The following SEMA3E variants were observed in gnomAD, a reference collection of about 807,000 sequenced individuals.
The protein encoded by SEMA3E is semaphorin-3E.
In SEMA3E, 49 loss-of-function variants were observed where a neutral mutation model predicts 93.6. That is an observed-to-expected ratio of 0.52 (90% CI 0.42 to 0.66). The LOEUF is 0.66. SEMA3E is among the 30% of genes least tolerant of loss of function. The pLI is 0.00. For synonymous variants in SEMA3E, 363 were observed against 330.7 expected, an observed-to-expected ratio of 1.10 and a Z score of -1.06; for missense variants, 906 against 964.8, an observed-to-expected ratio of 0.94 and a Z score of 0.81.
rs2116890097 is a variant in SEMA3E at position 83,366,523 on chromosome 7, G to T, written c.*1063C>A. 6.6e-6 allele frequency: 1 copy of T among 152,048 alleles called. No individual in the cohort carries two copies. Among genetic ancestry groups the T allele is most frequent in the Non-Finnish European group, 1.5e-5 (1 of 67,888 alleles). The allele number at this position is 152,048 out of a possible 1,614,324, so 9.4% of individuals were successfully genotyped here. ...TCACAAATAAAACACGGTTGTTATAGTATATTTTAGATTTCAGCGAAGATT... is the reference window on the plus strand; with the variant it reads ...TCACAAATAAAACACGGTTGTTATATTATATTTTAGATTTCAGCGAAGATT... On this transcript the variant is annotated 3_prime_UTR_variant, in exon 17 of 17. Transcript: ENST00000643230.
intron 10 of SEMA3E, 59 bp from the exon 11 acceptor site, chr7:83,400,309 A>G: frequency 2.0e-6 from 3 of 1,502,902 alleles, no homozygotes; most frequent in Non-Finnish European, 1.9e-6. Flanking sequence ...GAAAATTTAT[A>G]ATCAATTATG....
At chr7:83,457,218 C>T (rs1789503616) in intron 4 of SEMA3E, among the ~76,000 whole-genome samples, 1 of 149,772 alleles carries the variant, frequency 6.7e-6, no homozygotes, top group Non-Finnish European at 1.5e-5. Context: ...AGCAGAATGA[C>T]AGAGACAGAC....
intron 1 of SEMA3E, among the ~76,000 whole-genome samples, chr7:83,625,035 A>AGATGT (rs1266555171): frequency 6.6e-6 from 1 of 152,116 alleles, no homozygotes; most frequent in Non-Finnish European, 1.5e-5. Context: ...AGATGGTTGT[A>AGATGT]GATGTGTGGT....
intron 1 of SEMA3E, among the ~76,000 whole-genome samples, chr7:83,578,507 G>A (rs1210875071): frequency 6.6e-6 from 1 of 152,112 alleles, no homozygotes; most frequent in Non-Finnish European, 1.5e-5. Context: ...AGTGAGCTAA[G>A]ATCGTGCTTC....
intron 1 of SEMA3E, among the ~76,000 whole-genome samples, chr7:83,540,733 AGT>A (rs1791514058): frequency 6.6e-6 from 1 of 152,218 alleles, no homozygotes; most frequent in Non-Finnish European, 1.5e-5. Flanking sequence ...TGTATCTCTG[AGT>A]GTGAAGGCAG....
chr7:83,624,607 C>T (rs1793631362), intron 1 of SEMA3E, among the ~76,000 whole-genome samples: 1 of 151,918 alleles, frequency 6.6e-6, no homozygotes, highest in African/African-American at 2.4e-5. Context: ...TAAGTTCCTT[C>T]TAGATTCTGG....
chr7:83,616,877 A>G (rs1393104823), intron 1 of SEMA3E, among the ~76,000 whole-genome samples: 3 of 151,916 alleles, frequency 2.0e-5, no homozygotes, highest in African/African-American at 7.2e-5. Flanking sequence ...GGAGCCTGCC[A>G]CCACACCTGG....
chr7:83,440,258 T>C (rs932707318), intron 4 of SEMA3E, among the ~76,000 whole-genome samples: 2 of 152,042 alleles, frequency 1.3e-5, no homozygotes, highest in African/African-American at 2.4e-5. Flanking sequence ...ATGAGGTACA[T>C]AGTGTTATGA....
chr7:83,579,534 C>G (rs215295), intron 1 of SEMA3E, among the ~76,000 whole-genome samples: 71,575 of 151,852 alleles, frequency 0.47, 19,446 homozygotes, highest in African/African-American at 0.76. Context: ...GACATTGGCA[C>G]ATATTTCTGC....
At chr7:83,417,509 T>C (rs1788577295) in intron 5 of SEMA3E, among the ~76,000 whole-genome samples, 2 of 152,132 alleles carry the variant, frequency 1.3e-5, no homozygotes, top group South Asian at 2.1e-4. Flanking sequence ...TGACCTAATA[T>C]TAGCATATAA....
intron 1 of SEMA3E, among the ~76,000 whole-genome samples, chr7:83,597,698 A>G (rs754460795): frequency 1.3e-5 from 2 of 152,156 alleles, no homozygotes; most frequent in Non-Finnish European, 2.9e-5. Flanking sequence ...GCACAACTAT[A>G]CTTGTCTTGG....
At chr7:83,542,878 C>A (rs1791566926) in intron 1 of SEMA3E, among the ~76,000 whole-genome samples, 1 of 152,060 alleles carries the variant, frequency 6.6e-6, no homozygotes, top group Non-Finnish European at 1.5e-5. Flanking sequence ...AACTTTTTAA[C>A]ACATCTTAAA....
chr7:83,389,662 T>C (rs1391738786), intron 14 of SEMA3E, among the ~76,000 whole-genome samples: 2 of 150,850 alleles, frequency 1.3e-5, no homozygotes, highest in African/African-American at 4.9e-5. Flanking sequence ...CATGTATACA[T>C]ACACACATAT....
chr7:83,528,182 A>G lies in SEMA3E; in HGVS notation c.116-37908T>C, dbSNP rs893365773. ...TATAAATAAAATTTAAAGTCTCTAC[A>G]TAATATACATTATAAAAACTAATCT... On this transcript the variant is annotated intron_variant, in intron 1 of 16. Coordinates refer to ENST00000643230, the MANE Select transcript of SEMA3E (RefSeq NM_012431.3). Among the ~76,000 whole-genome samples the G allele has an allele frequency of 4.9e-4, 74 of 152,250 alleles. 1 individual carries two copies. Among genetic ancestry groups the G allele is most frequent in the African/African-American group, 1.7e-3 (70 of 41,582 alleles).
At chr7:83,558,981 C>T (rs947828239) in intron 1 of SEMA3E, among the ~76,000 whole-genome samples, 1 of 151,982 alleles carries the variant, frequency 6.6e-6, no homozygotes, top group African/African-American at 2.4e-5. Flanking sequence ...CCATACATTT[C>T]AAATAGAGTA....
chr7:83,570,349 C>T (rs1033939500), intron 1 of SEMA3E, among the ~76,000 whole-genome samples: 1 of 150,816 alleles, frequency 6.6e-6, no homozygotes, highest in South Asian at 2.1e-4. Flanking sequence ...GTCAGGAGAT[C>T]GAGACCATCC....
chr7:83,470,368 T>C (rs1227079876), intron 2 of SEMA3E, among the ~76,000 whole-genome samples: 1 of 152,248 alleles, frequency 6.6e-6, no homozygotes, highest in Admixed American at 6.5e-5. Context: ...CCTTTTCTTT[T>C]CTCAGACTCC....
At chr7:83,500,590 CTTTT>C (rs371350850) in intron 1 of SEMA3E, among the ~76,000 whole-genome samples, 1 of 100,616 alleles carries the variant, frequency 9.9e-6, no homozygotes, top group African/African-American at 3.6e-5. Context: ...AACTTTCTTC[CTTTT>C]TTTTTTTTTT....
At chr7:83,481,133 T>C (rs562533962) in intron 2 of SEMA3E, among the ~76,000 whole-genome samples, 3 of 151,960 alleles carry the variant, frequency 2.0e-5, no homozygotes, top group Admixed American at 6.6e-5. Flanking sequence ...TTATAAACAC[T>C]TTTTTTTAAG....
Sources: allele counts gnomAD v4.1 joint callset (sites outside exome capture counted in the v4.1 genomes callset), GRCh38; gene constraint gnomAD v4.1.1; transcripts MANE v1.5; gene names NCBI Gene and HGNC (gene_info 2026-07-23, HGNC 2026-07-21).